The following CLECL1 variants were observed in gnomAD, a reference collection of about 807,000 sequenced individuals.
CLECL1 encodes the protein C-type lectin like 1, also known as C-type lectin-like domain family 1.
intron 1 of CLECL1, among the ~76,000 whole-genome samples, chr12:9,729,840 C>T (rs976407772): frequency 1.3e-5 from 2 of 151,952 alleles, no homozygotes; most frequent in Non-Finnish European, 2.9e-5. Context: ...ACAAAACACA[C>T]ATATGCGAGT....
chr12:9,710,674 A>C, the CLECL1 span, among the ~76,000 whole-genome samples: 1 of 152,238 alleles, frequency 6.6e-6, no homozygotes, highest in African/African-American at 2.4e-5. Context: ...AGAGGAGCAC[A>C]TCAGCGGAGG....
chr12:9,726,821 G>T (rs1006795414), intron 3 of CLECL1, among the ~76,000 whole-genome samples: 1 of 151,746 alleles, frequency 6.6e-6, no homozygotes, highest in African/African-American at 2.4e-5. Flanking sequence ...TTTTTGCTTT[G>T]GGGATAATGT....
intron 3 of CLECL1, among the ~76,000 whole-genome samples, chr12:9,723,035 A>G (rs925084886): frequency 1.3e-5 from 2 of 152,222 alleles, no homozygotes; most frequent in African/African-American, 4.8e-5. Context: ...CATTTAATTT[A>G]TCCTTTTAAA....
exon 3 of CLECL1, chr12:9,716,659 T>A: frequency 1.9e-6 from 1 of 521,192 alleles, no homozygotes; most frequent in Non-Finnish European, 2.8e-6. Context: ...GTTCTCTTCA[T>A]CAGAGGCCTC....
chr12:9,720,748 T>C (rs752404513), downstream of CLECL1, among the ~76,000 whole-genome samples: 5 of 152,192 alleles, frequency 3.3e-5, no homozygotes, highest in African/African-American at 1.2e-4. Context: ...GTGGAGTTTG[T>C]AGAGAAATAG....
downstream of CLECL1, among the ~76,000 whole-genome samples, chr12:9,715,587 C>A (rs1304153331): frequency 6.6e-6 from 1 of 152,182 alleles, no homozygotes; most frequent in African/African-American, 2.4e-5. Flanking sequence ...GCACTGAAGG[C>A]AGCCCTCTGT....
downstream of CLECL1, among the ~76,000 whole-genome samples, chr12:9,711,953 T>C (rs964025490): frequency 2.6e-5 from 4 of 152,192 alleles, no homozygotes; most frequent in Non-Finnish European, 4.4e-5. Flanking sequence ...TGCAAGCTTC[T>C]CCCTCAGTAT....
chr12:9,714,377 C>A (rs969506175), downstream of CLECL1, among the ~76,000 whole-genome samples: 1 of 152,208 alleles, frequency 6.6e-6, no homozygotes, highest in Non-Finnish European at 1.5e-5. Context: ...GTGCCAATTA[C>A]ACAGCTACCT....
downstream of CLECL1, among the ~76,000 whole-genome samples, chr12:9,713,435 T>C (rs536323897): frequency 2.8e-4 from 43 of 152,226 alleles, no homozygotes; most frequent in Admixed American, 1.7e-3. Flanking sequence ...AACAATGCAA[T>C]CTACAAATGA....
chr12:9,716,853 T>C, intron 2 of CLECL1: 1 of 777,974 alleles, frequency 1.3e-6, no homozygotes, highest in Non-Finnish European at 1.9e-6. Context: ...AATGGATTAT[T>C]ATGGGACCAT....
chr12:9,702,559 G>A, the CLECL1 span, among the ~76,000 whole-genome samples: 1 of 152,132 alleles, frequency 6.6e-6, no homozygotes, highest in Non-Finnish European at 1.5e-5. Flanking sequence ...GAGGATGTGT[G>A]GCTCTTGCTT....
exon 3 of CLECL1, chr12:9,716,733 A>G: frequency 7.9e-7 from 1 of 1,265,404 alleles, no homozygotes; most frequent in Non-Finnish European, 1.0e-6. Context: ...TCAGCACTGA[A>G]GTCTAGGAAC....
the CLECL1 span, among the ~76,000 whole-genome samples, chr12:9,705,767 T>C: frequency 6.6e-6 from 1 of 152,196 alleles, no homozygotes; most frequent in Non-Finnish European, 1.5e-5. Flanking sequence ...GTGTCTGTTG[T>C]TGCACTGGTA....
the CLECL1 span, among the ~76,000 whole-genome samples, chr12:9,707,165 A>G: frequency 6.6e-6 from 1 of 152,174 alleles, no homozygotes; most frequent in African/African-American, 2.4e-5. Flanking sequence ...TGTTCATTTG[A>G]AAAAGCTGAA....
At chr12:9,723,581 G>A (rs1194553740) in intron 3 of CLECL1, among the ~76,000 whole-genome samples, 12 of 152,076 alleles carry the variant, frequency 7.9e-5, no homozygotes, top group Non-Finnish European at 1.6e-4. Flanking sequence ...ACAATTGTTA[G>A]CCTTAGGCCA....
chr12:9,732,346 G>T (rs1205242434), intron 1 of CLECL1, among the ~76,000 whole-genome samples: 3 of 152,126 alleles, frequency 2.0e-5, no homozygotes, highest in Non-Finnish European at 2.9e-5. Flanking sequence ...AAAGACACTG[G>T]CTATGAAAAT....
At chr12:9,734,251 G>A (rs569563244), upstream of CLECL1, among the ~76,000 whole-genome samples, 17 of 152,258 alleles carry the variant, frequency 1.1e-4, no homozygotes, top group Middle Eastern at 3.4e-3. Context: ...TGGCTTTGTG[G>A]CATTTAGGGA....
At chr12:9,713,224 A>G (rs930808821), downstream of CLECL1, among the ~76,000 whole-genome samples, 1 of 152,230 alleles carries the variant, frequency 6.6e-6, no homozygotes, top group Admixed American at 6.5e-5. Context: ...GAATCTATGA[A>G]TAACATCGGT....
intron 3 of CLECL1, among the ~76,000 whole-genome samples, chr12:9,727,293 A>G (rs1271319580): frequency 6.6e-6 from 1 of 151,838 alleles, no homozygotes; most frequent in African/African-American, 2.4e-5. Context: ...ACATACCCCA[A>G]TAAAAAACAA....
Sources: allele counts gnomAD v4.1 joint callset (sites outside exome capture counted in the v4.1 genomes callset), GRCh38; gene constraint gnomAD v4.1.1; transcripts MANE v1.5; gene names NCBI Gene and HGNC (gene_info 2026-07-23, HGNC 2026-07-21).